TAS2R1: variants seen among roughly 807,000 people sequenced by gnomAD.
TAS2R1 encodes the protein taste 2 receptor member 1.
For synonymous variants in TAS2R1, 141 were observed against 134.2 expected (o/e 1.05, Z -0.35); for missense variants, 370 against 353.4 (o/e 1.05, Z -0.38).
chr5:9,665,122 G>C (rs896609599), intron 1 of TAS2R1, among the ~76,000 whole-genome samples: 2 of 152,166 alleles, frequency 1.3e-5, no homozygotes, highest in Non-Finnish European at 2.9e-5. Flanking sequence ...TCCACTTCCA[G>C]GCTCCTCCTT....
chr5:9,841,808 G>T, the TAS2R1 span, among the ~76,000 whole-genome samples: 1 of 152,258 alleles, frequency 6.6e-6, no homozygotes, highest in East Asian at 1.9e-4. Context: ...CTTAGTGTTT[G>T]CTATAAAAGC....
At chr5:9,846,063 C>A in the TAS2R1 span, among the ~76,000 whole-genome samples, 3 of 151,910 alleles carry the variant, frequency 2.0e-5, no homozygotes, top group Non-Finnish European at 2.9e-5. Context: ...AAAACTGGGG[C>A]AATAAACTAT....
At chr5:9,797,633 T>C in the TAS2R1 span, among the ~76,000 whole-genome samples, 1 of 152,152 alleles carries the variant, frequency 6.6e-6, no homozygotes, top group Non-Finnish European at 1.5e-5. Flanking sequence ...AGCTCATTCC[T>C]CTGTTGACTT....
At chr5:9,896,793 G>A in the TAS2R1 span, among the ~76,000 whole-genome samples, 1 of 152,078 alleles carries the variant, frequency 6.6e-6, no homozygotes, top group South Asian at 2.1e-4. Flanking sequence ...TAATTATTTT[G>A]TATCTCCCCA....
At chr5:9,884,986 G>A in the TAS2R1 span, among the ~76,000 whole-genome samples, 5 of 152,266 alleles carry the variant, frequency 3.3e-5, no homozygotes, top group Admixed American at 6.5e-5. Flanking sequence ...CAAAGCACTA[G>A]CATTTACTGA....
chr5:9,636,073 A>G (rs1029289816), intron 2 of TAS2R1, among the ~76,000 whole-genome samples: 20 of 151,928 alleles, frequency 1.3e-4, no homozygotes, highest in Non-Finnish European at 1.9e-4. Flanking sequence ...TAGGTATTTA[A>G]TACTAAGAAC....
intron 1 of TAS2R1, among the ~76,000 whole-genome samples, chr5:9,709,307 C>T (rs1473102600): frequency 1.3e-5 from 2 of 152,076 alleles, no homozygotes; most frequent in Admixed American, 6.6e-5. Context: ...TAAGTAACTG[C>T]CAGTTCAGTT....
At chr5:9,864,049 C>A in the TAS2R1 span, among the ~76,000 whole-genome samples, 1 of 152,192 alleles carries the variant, frequency 6.6e-6, no homozygotes, top group Non-Finnish European at 1.5e-5. Flanking sequence ...CTGCTATGCC[C>A]ATAACTGAAT....
In TAS2R1 at chr5:9,653,902, G is replaced by A. The variant is rs140826264; in HGVS notation, c.-81+5519C>T. Reference sequence around the variant, plus strand: ...AGCTTTTTGGTTACAAGTGATTTCTGTGTCTGCAGGTAAGGTTACAGCTGG... The same window carrying A: ...AGCTTTTTGGTTACAAGTGATTTCTATGTCTGCAGGTAAGGTTACAGCTGG... On this transcript the variant is annotated intron_variant, in intron 2 of 2. Transcript: ENST00000506620. 2.0e-3 allele frequency among the ~76,000 whole-genome samples: 297 copies of A among 152,218 alleles called. 4 individuals are homozygous for A. Among genetic ancestry groups the A allele is most frequent in the African/African-American group, 6.5e-3 (269 of 41,536 alleles).
At chr5:9,729,897 G>C in the TAS2R1 span, among the ~76,000 whole-genome samples, 1 of 152,124 alleles carries the variant, frequency 6.6e-6, no homozygotes, top group African/African-American at 2.4e-5. Context: ...ACTTTTCAGA[G>C]TGATATCCAC....
At chr5:9,730,313 C>T in the TAS2R1 span, among the ~76,000 whole-genome samples, 2 of 152,286 alleles carry the variant, frequency 1.3e-5, no homozygotes, top group East Asian at 3.9e-4. Flanking sequence ...AGTGAACTGG[C>T]AAGTAGGTCC....
chr5:9,803,388 AG>A, the TAS2R1 span, among the ~76,000 whole-genome samples: 1 of 152,232 alleles, frequency 6.6e-6, no homozygotes, highest in Non-Finnish European at 1.5e-5. Context: ...AGAAGCTCAA[AG>A]AACACCTGGG....
At chr5:9,896,542 A>T in the TAS2R1 span, among the ~76,000 whole-genome samples, 1 of 152,144 alleles carries the variant, frequency 6.6e-6, no homozygotes, top group Non-Finnish European at 1.5e-5. Flanking sequence ...CCGCCGACCC[A>T]AATTCTAGAC....
In TAS2R1 at chr5:9,704,064, T is replaced by C. The variant is rs80237853; in HGVS notation, c.-242+8108A>G. ...GTCTAGAAAATTTTTGACTGCACTA[T>C]GTTGCACTTAAACAGGAAATATTAA... On this transcript the variant is annotated intron_variant, in intron 1 of 2. Transcript: ENST00000506620. 7.2e-3 allele frequency among the ~76,000 whole-genome samples: 1,090 copies of C among 152,294 alleles called. 10 individuals are homozygous for C. The highest frequency in any genetic ancestry group is 0.025 in the African/African-American group (1,050 of 41,546).
At position 9,629,891 on chromosome 5, in the gene TAS2R1, G is replaced by A; in HGVS notation, c.142C>T (p.Leu48Phe). Residue 48 changes from leucine to phenylalanine, a missense_variant, in exon 1 of 1, where the codon CTT becomes TTT. Transcript: ENST00000382492. ...HRKMAPLDLLLSCLAVSRIFL... is the reference protein window; with the variant it reads ...HRKMAPLDLLFSCLAVSRIFL... ...ATTCTAGAAACTGCCAGACAAGAAA[G>A]AAGGAGATCCAGCGGAGCCATTTTT... 6.2e-7 allele frequency: 1 copy of A among 1,613,556 alleles called. No individual in the cohort carries two copies. Among genetic ancestry groups the A allele is most frequent in the Non-Finnish European group, 8.5e-7 (1 of 1,179,650 alleles).
intron 2 of TAS2R1, among the ~76,000 whole-genome samples, chr5:9,636,733 A>G (rs1375257763): frequency 1.3e-5 from 2 of 152,064 alleles, no homozygotes; most frequent in Admixed American, 6.6e-5. Context: ...TTTGCCTGAT[A>G]TAAGAATAGC....
chr5:9,859,176 C>T, the TAS2R1 span, among the ~76,000 whole-genome samples: 4 of 152,180 alleles, frequency 2.6e-5, no homozygotes, highest in Admixed American at 6.5e-5. Flanking sequence ...CTCCATCTTA[C>T]GTCAACCACT....
chr5:9,796,020 G>C, the TAS2R1 span, among the ~76,000 whole-genome samples: 3 of 152,124 alleles, frequency 2.0e-5, no homozygotes, highest in African/African-American at 7.2e-5. Flanking sequence ...CAGGCAAATA[G>C]ACAAATTAAC....
the TAS2R1 span, among the ~76,000 whole-genome samples, chr5:9,822,631 G>A: frequency 6.6e-6 from 1 of 152,150 alleles, no homozygotes; most frequent in African/African-American, 2.4e-5. Flanking sequence ...TTACAGGTGT[G>A]AGCCACCGTG....
Sources: gnomAD v4.1 joint callset for allele counts (sites outside exome capture counted in the v4.1 genomes callset) on GRCh38, gnomAD v4.1.1 for gene constraint, MANE v1.5 for transcripts, NCBI Gene and HGNC (gene_info 2026-07-23, HGNC 2026-07-21) for gene names.